GNA12: variants seen among roughly 807,000 people sequenced by gnomAD.
The protein encoded by GNA12 is G protein subunit alpha 12.
Under a neutral mutation model 26.0 loss-of-function variants are expected in GNA12, and 9 were observed. That is an observed-to-expected ratio of 0.35 (90% confidence interval 0.21 to 0.60). The LOEUF (loss-of-function observed/expected upper bound fraction) is 0.60. Ranked by LOEUF, GNA12 falls within the 20% of genes least tolerant of loss-of-function variation. GNA12 has a pLI of 0.78. For synonymous variants in GNA12, 264 were observed against 219.6 expected (o/e 1.20, Z -1.79); for missense variants, 405 against 525.8 (o/e 0.77, Z 2.25).
intron 2 of GNA12, among the ~76,000 whole-genome samples, chr7:2,776,867 T>C (rs371137029): frequency 1.3e-5 from 2 of 152,168 alleles, no homozygotes; most frequent in Non-Finnish European, 2.9e-5. Context: ...GGAGGATCAC[T>C]TGAACCTGAA....
At chr7:2,811,578 T>C (rs1793082541) in intron 1 of GNA12, among the ~76,000 whole-genome samples, 1 of 152,226 alleles carries the variant, frequency 6.6e-6, no homozygotes, top group South Asian at 2.1e-4. Context: ...AGAAGGGACC[T>C]CAAAGTGAAA....
intron 2 of GNA12, among the ~76,000 whole-genome samples, chr7:2,793,556 T>C (rs1327574071): frequency 6.6e-6 from 1 of 151,518 alleles, no homozygotes; most frequent in Non-Finnish European, 1.5e-5. Context: ...TTGAGAAAAA[T>C]AAAAATTACT....
chr7:2,825,444 G>A (rs1045524850), intron 1 of GNA12, among the ~76,000 whole-genome samples: 1 of 152,234 alleles, frequency 6.6e-6, no homozygotes, highest in African/African-American at 2.4e-5. Flanking sequence ...AGCAGTGTAT[G>A]AAGACGCTTT....
chr7:2,820,999 C>T (rs998648320), intron 1 of GNA12, among the ~76,000 whole-genome samples: 8 of 152,236 alleles, frequency 5.3e-5, no homozygotes, highest in Non-Finnish European at 8.8e-5. Context: ...CTTGGACTCC[C>T]AAAGTGCCAG....
intron 1 of GNA12, among the ~76,000 whole-genome samples, chr7:2,818,707 G>A (rs947770798): frequency 6.6e-6 from 1 of 150,950 alleles, no homozygotes; most frequent in African/African-American, 2.4e-5. Context: ...AGGTTGCAGT[G>A]AGCCGAGATC....
At chr7:2,785,208 G>A (rs780472796) in intron 2 of GNA12, among the ~76,000 whole-genome samples, 7 of 152,162 alleles carry the variant, frequency 4.6e-5, no homozygotes, top group Admixed American at 1.3e-4. Context: ...CACCCCAGAG[G>A]AAAAGCAAGT....
chr7:2,815,854 C>T (rs1248851700), intron 1 of GNA12, among the ~76,000 whole-genome samples: 1 of 142,530 alleles, frequency 7.0e-6, no homozygotes, highest in Non-Finnish European at 1.6e-5. Context: ...CACTCCTCTG[C>T]TCCTCTCCAT....
intron 1 of GNA12, among the ~76,000 whole-genome samples, chr7:2,836,987 T>C (rs755336903): frequency 3.9e-5 from 6 of 152,106 alleles, no homozygotes; most frequent in Non-Finnish European, 7.4e-5. Context: ...TACCACCCAC[T>C]GAGGTTTCAG....
intron 2 of GNA12, among the ~76,000 whole-genome samples, chr7:2,773,794 C>T (rs183962900): frequency 9.8e-5 from 15 of 152,306 alleles, no homozygotes; most frequent in African/African-American, 3.6e-4. Context: ...GCCTACATCT[C>T]TTCACCAAAA....
At chr7:2,751,196 C>A (rs183526353) in intron 2 of GNA12, among the ~76,000 whole-genome samples, 3 of 151,922 alleles carry the variant, frequency 2.0e-5, no homozygotes, top group African/African-American at 7.2e-5. Context: ...AAGACCTGGG[C>A]AACATGGTAA....
intron 1 of GNA12, among the ~76,000 whole-genome samples, chr7:2,832,583 T>C (rs992966749): frequency 6.6e-6 from 1 of 152,188 alleles, no homozygotes; most frequent in African/African-American, 2.4e-5. Flanking sequence ...TTGGCTTAAG[T>C]AGCTATTGAT....
intron 1 of GNA12, among the ~76,000 whole-genome samples, chr7:2,837,962 A>G (rs921649389): frequency 6.6e-6 from 1 of 152,168 alleles, no homozygotes; most frequent in African/African-American, 2.4e-5. Flanking sequence ...TGTGGCATTC[A>G]AAGTCTGTTA....
intron 1 of GNA12, among the ~76,000 whole-genome samples, chr7:2,828,652 G>A (rs896019580): frequency 2.6e-5 from 4 of 152,254 alleles, no homozygotes; most frequent in African/African-American, 9.6e-5. Flanking sequence ...CACCAGGAAA[G>A]GGAAAACAAA....
intron 2 of GNA12, chr7:2,762,999 G>A (rs1464397824): frequency 5.4e-6 from 7 of 1,288,700 alleles, no homozygotes; most frequent in African/African-American, 1.5e-5. Flanking sequence ...TGCTACTGTG[G>A]TCGCCAACAG....
At chr7:2,734,251 C>T (rs193021278) in intron 2 of GNA12, among the ~76,000 whole-genome samples, 194 of 152,344 alleles carry the variant, frequency 1.3e-3, no homozygotes, top group African/African-American at 4.5e-3. Flanking sequence ...AGCGCAACCA[C>T]CGACCACAGA....
intron 2 of GNA12, among the ~76,000 whole-genome samples, chr7:2,780,057 T>C (rs1462860362): frequency 6.2e-5 from 3 of 48,686 alleles, no homozygotes; most frequent in African/African-American, 2.0e-4. Context: ...TGTACATATA[T>C]ATATATATAT....
At chr7:2,838,261 T>C (rs1185636817) in intron 1 of GNA12, among the ~76,000 whole-genome samples, 1 of 126,180 alleles carries the variant, frequency 7.9e-6, no homozygotes, top group Admixed American at 8.4e-5. Flanking sequence ...ACCAAGAAAA[T>C]AATACAAAGC....
rs116900316 is a variant in GNA12, at chr7:2,808,529, G to C, written c.310-13386C>G. ...TTGGATGGGATGGAGAGGGACCTGG[G>C]CCGCACAGGAGGACCTCACTCCCCA... On this transcript the variant is annotated intron_variant, in intron 1 of 3. Transcript: ENST00000275364. 5.9e-5 allele frequency among the ~76,000 whole-genome samples: 9 copies of C among 152,166 alleles called. 1 individual carries two copies. The highest frequency in any genetic ancestry group is 3.9e-4 in the Admixed American group (6 of 15,284).
chr7:2,842,101 A>AGGAAGGAAG (rs1469670952), intron 1 of GNA12, among the ~76,000 whole-genome samples: 2 of 85,208 alleles, frequency 2.3e-5, no homozygotes, highest in Non-Finnish European at 5.7e-5. Context: ...AAGGAAGGAA[A>AGGAAGGAAG]GGAAGGAAGG....
Sources: gnomAD v4.1 joint callset for allele counts (sites outside exome capture counted in the v4.1 genomes callset) on GRCh38, gnomAD v4.1.1 for gene constraint, MANE v1.5 for transcripts, NCBI Gene and HGNC (gene_info 2026-07-23, HGNC 2026-07-21) for gene names.